The following AGAP1 variants were observed in gnomAD, a reference collection of about 807,000 sequenced individuals.
AGAP1 encodes the protein ArfGAP with GTPase domain, ankyrin repeat and PH domain 1.
A neutral mutation model predicts 105.3 loss-of-function variants in AGAP1; 29 were observed. The ratio of observed to expected loss-of-function variants is 0.28; its 90% CI spans 0.21 to 0.38. The LOEUF is 0.38. Among genes scored for constraint, AGAP1 ranks in the 10% least tolerant of loss-of-function variants. AGAP1 has a pLI of 1.00. For synonymous variants in AGAP1, 509 were observed against 485.9 expected, an observed-to-expected ratio of 1.05 and a Z score of -0.63; for missense variants, 998 against 1,165.1, an observed-to-expected ratio of 0.86 and a Z score of 2.09.
At chr2:235,588,363 TCTC>T (rs1444685297) in intron 1 of AGAP1, among the ~76,000 whole-genome samples, 4 of 152,050 alleles carry the variant, frequency 2.6e-5, no homozygotes, top group Admixed American at 2.6e-4. Context: ...TAGGGTTTCT[TCTC>T]CTCCACTTCT....
intron 13 of AGAP1, among the ~76,000 whole-genome samples, chr2:236,031,304 A>G (rs2057216953): frequency 2.0e-5 from 3 of 152,136 alleles, no homozygotes; most frequent in Admixed American, 2.0e-4. Context: ...GGGAGGAGAA[A>G]GAGAAGCAGT....
chr2:235,523,069 C>A (rs971133841), intron 1 of AGAP1, among the ~76,000 whole-genome samples: 4 of 152,128 alleles, frequency 2.6e-5, no homozygotes, highest in African/African-American at 9.7e-5. Context: ...AGGGCAGGCT[C>A]CGGTGAGGGC....
intron 1 of AGAP1, among the ~76,000 whole-genome samples, chr2:235,539,382 C>G (rs1368244123): frequency 6.6e-6 from 1 of 152,206 alleles, no homozygotes; most frequent in Non-Finnish European, 1.5e-5. Context: ...ATCCCACGCC[C>G]ATTTTGAGGG....
chr2:235,547,232 TA>T (rs1943654908), intron 1 of AGAP1, among the ~76,000 whole-genome samples: 1 of 152,214 alleles, frequency 6.6e-6, no homozygotes, highest in Admixed American at 6.5e-5. Flanking sequence ...TTACACACTT[TA>T]TTCTTCTGAT....
chr2:235,910,018 C>CA (rs35849910), intron 11 of AGAP1, among the ~76,000 whole-genome samples: 3,064 of 149,512 alleles, frequency 0.02, 115 homozygotes, highest in African/African-American at 0.071. Context: ...GACTCTATCT[C>CA]AAAAAAAAAA....
intron 1 of AGAP1, among the ~76,000 whole-genome samples, chr2:235,657,373 T>G (rs1053366082): frequency 1.3e-5 from 2 of 152,002 alleles, no homozygotes; most frequent in South Asian, 4.2e-4. Context: ...ATAAGTGATG[T>G]TGTTGTTGTT....
intron 1 of AGAP1, among the ~76,000 whole-genome samples, chr2:235,699,108 C>A (rs916261478): frequency 3.5e-5 from 5 of 144,712 alleles, no homozygotes; most frequent in Non-Finnish European, 7.7e-5. Flanking sequence ...ACAGGAGGGA[C>A]GGGGAGGCAG....
At chr2:235,820,193 A>C (rs1304364067) in intron 9 of AGAP1, among the ~76,000 whole-genome samples, 1 of 152,208 alleles carries the variant, frequency 6.6e-6, no homozygotes, top group Non-Finnish European at 1.5e-5. Context: ...ATGCGTGGCT[A>C]AAATGTCTTT....
At chr2:236,057,076 C>A (rs2058071182) in intron 16 of AGAP1, among the ~76,000 whole-genome samples, 1 of 152,170 alleles carries the variant, frequency 6.6e-6, no homozygotes, top group Non-Finnish European at 1.5e-5. Context: ...TATAAGTAAT[C>A]ATAAAGCCTC....
chr2:235,551,663 G>A lies in AGAP1; in HGVS notation c.163+56814G>A, dbSNP rs1394407162. Among the ~76,000 whole-genome samples the A allele has an allele frequency of 6.6e-6, 1 of 152,240 alleles. No individual in the cohort carries two copies. Among genetic ancestry groups the A allele is most frequent in the Non-Finnish European group, 1.5e-5 (1 of 68,044 alleles). The stretch of plus-strand genomic sequence containing the variant: ...TAAAACGTTTTTCTTTCCAAGGCAC[G>A]TGGCAGGTGGGTGCTGTTTCTTTCC... On this transcript the variant is annotated intron_variant, in intron 1 of 17. Coordinates refer to ENST00000304032, the MANE Select transcript of AGAP1 (RefSeq NM_001037131.3). The surrounding 1 kb of genome is among the most constrained non-coding windows in gnomAD (Gnocchi z 4.8).
intron 9 of AGAP1, among the ~76,000 whole-genome samples, chr2:235,841,125 T>C (rs936019996): frequency 2.0e-5 from 3 of 152,028 alleles, no homozygotes; most frequent in African/African-American, 7.2e-5. Flanking sequence ...GCGGCAGGGC[T>C]ATGAACGATG....
chr2:235,825,715 T>C (rs535846981), intron 9 of AGAP1, among the ~76,000 whole-genome samples: 17 of 152,338 alleles, frequency 1.1e-4, no homozygotes, highest in African/African-American at 4.1e-4. Context: ...TTGGTCAGTA[T>C]ATACAATAAA....
intron 1 of AGAP1, among the ~76,000 whole-genome samples, chr2:235,516,717 G>A (rs1942403383): frequency 6.6e-6 from 1 of 152,180 alleles, no homozygotes; most frequent in African/African-American, 2.4e-5. Flanking sequence ...TGGAGTGGAT[G>A]AGTGAGTGCA....
intron 16 of AGAP1, among the ~76,000 whole-genome samples, chr2:236,106,957 G>A (rs757450336): frequency 2.0e-5 from 3 of 152,056 alleles, no homozygotes; most frequent in Admixed American, 1.3e-4. Context: ...GTGTCAACGT[G>A]GGAAGCTGGG....
chr2:235,860,227 C>T (rs1302015339), intron 9 of AGAP1, among the ~76,000 whole-genome samples: 3 of 152,156 alleles, frequency 2.0e-5, no homozygotes, highest in Non-Finnish European at 4.4e-5. Context: ...AAAAATATAA[C>T]TTTATCTCTG....
intron 9 of AGAP1, among the ~76,000 whole-genome samples, chr2:235,841,665 A>G (rs184707966): frequency 2.4e-4 from 37 of 152,330 alleles, no homozygotes; most frequent in South Asian, 4.1e-4. Flanking sequence ...TCATTTAGCA[A>G]TTCATAAATA....
intron 1 of AGAP1, among the ~76,000 whole-genome samples, chr2:235,602,150 G>A (rs777218860): frequency 3.9e-5 from 6 of 152,186 alleles, no homozygotes; most frequent in East Asian, 1.9e-4. Flanking sequence ...GTGGTTTTAA[G>A]TAGTTGGGGG....
At chr2:236,122,426 G>T (rs189169768) in intron 17 of AGAP1, among the ~76,000 whole-genome samples, 1 of 152,298 alleles carries the variant, frequency 6.6e-6, no homozygotes, top group Admixed American at 6.5e-5. Context: ...GGCCATCTTT[G>T]CTTCTCCAAT....
intron 9 of AGAP1, among the ~76,000 whole-genome samples, chr2:235,815,051 C>T (rs1181214406): frequency 2.6e-5 from 4 of 152,214 alleles, no homozygotes; most frequent in South Asian, 2.1e-4. Flanking sequence ...ACCACTTTTC[C>T]GAGTGCCCTG....
Sources: allele counts gnomAD v4.1 joint callset (sites outside exome capture counted in the v4.1 genomes callset), GRCh38; gene constraint gnomAD v4.1.1; non-coding constraint Gnocchi (gnomAD v3.1); transcripts MANE v1.5; gene names NCBI Gene and HGNC (gene_info 2026-07-23, HGNC 2026-07-21).